The following CCSER1 variants were observed in gnomAD, a reference collection of about 807,000 sequenced individuals.
CCSER1 encodes the protein coiled-coil serine rich protein 1.
In CCSER1, 41 loss-of-function variants were observed where a neutral mutation model predicts 82.0. That is an observed-to-expected ratio of 0.50 (90% CI 0.39 to 0.65). The LOEUF is 0.65. Among genes scored for constraint, CCSER1 ranks in the 30% least tolerant of loss-of-function variants. CCSER1 has a pLI of 0.00. For missense variants in CCSER1, 1,119 were observed against 1,064.2 expected (o/e 1.05, Z -0.72); for synonymous variants, 414 against 383.9 (o/e 1.08, Z -0.92).
intron 10 of CCSER1, among the ~76,000 whole-genome samples, chr4:91,218,663 T>C (rs549417965): frequency 1.3e-5 from 2 of 152,242 alleles, no homozygotes; most frequent in Non-Finnish European, 2.9e-5. Flanking sequence ...TCTTGTATAC[T>C]TAGCACTTTC....
chr4:90,762,351 A>G (rs62313017), intron 7 of CCSER1, among the ~76,000 whole-genome samples: 19,736 of 152,154 alleles, frequency 0.13, 1,591 homozygotes, highest in Non-Finnish European at 0.18. Context: ...GCCCTGCTGA[A>G]TTGTGAGTCA....
intron 2 of CCSER1, among the ~76,000 whole-genome samples, chr4:90,312,104 AG>A (rs1390401452): frequency 2.6e-5 from 4 of 152,212 alleles, no homozygotes; most frequent in Non-Finnish European, 5.9e-5. Flanking sequence ...ATATTGGTAA[AG>A]GTTTGAAGGA....
intron 5 of CCSER1, among the ~76,000 whole-genome samples, chr4:90,612,834 C>T (rs1720509262): frequency 6.6e-6 from 1 of 152,136 alleles, no homozygotes. Flanking sequence ...TCTTATCAGA[C>T]ACCAGCATAT....
At position 90,480,723 on chromosome 4, in the gene CCSER1, T is replaced by C. The variant is rs370239049; in HGVS notation, c.1724+12369T>C. 1.7e-4 allele frequency among the ~76,000 whole-genome samples: 26 copies of C among 152,280 alleles called. No individual in the cohort carries two copies. In the East Asian group the frequency reaches 4.1e-3, roughly 24 times the overall value. ...GATTATTTCTGAGGGCTCTGTTCTG[T>C]TCTATTGGTCTATATCTCTGTTTTG... On this transcript the variant is annotated intron_variant, in intron 5 of 10. Coordinates refer to ENST00000509176, the MANE Select transcript of CCSER1 (RefSeq NM_001145065.2).
intron 10 of CCSER1, among the ~76,000 whole-genome samples, chr4:91,288,081 C>CATATATATATAGGATATATATATAGG (rs371406102): frequency 6.8e-6 from 1 of 147,436 alleles, no homozygotes; most frequent in Non-Finnish European, 1.5e-5. Context: ...TATATACACT[C>CATATATATATAGGATATATATATAGG]ATATATATAT....
chr4:90,504,500 T>A (rs765588037), intron 5 of CCSER1, among the ~76,000 whole-genome samples: 73 of 152,190 alleles, frequency 4.8e-4, no homozygotes, highest in Non-Finnish European at 9.6e-4. Context: ...CTTTTCCACA[T>A]GGCTAAGCTT....
At position 91,109,863 on chromosome 4, in the gene CCSER1, T is replaced by C. The variant is rs73834786; in HGVS notation, c.2217+23869T>C. On this transcript the variant is annotated intron_variant, in intron 10 of 10. Transcript: ENST00000509176. ...CACAAAGGGTCATAAAATAATTTATTAGAATTTTGTATATGTTGTATTGTT... is the reference window on the plus strand; with the variant it reads ...CACAAAGGGTCATAAAATAATTTATCAGAATTTTGTATATGTTGTATTGTT... 3.6e-3 allele frequency among the ~76,000 whole-genome samples: 555 copies of C among 152,292 alleles called. 3 individuals are homozygous for C. Among genetic ancestry groups the C allele is most frequent in the African/African-American group, 0.013 (522 of 41,586 alleles).
intron 7 of CCSER1, among the ~76,000 whole-genome samples, chr4:90,759,786 T>A (rs1460648482): frequency 6.6e-6 from 1 of 152,168 alleles, no homozygotes; most frequent in Admixed American, 6.6e-5. Flanking sequence ...TTCTGATAAT[T>A]TCTTTCGTCT....
At chr4:91,418,901 C>G (rs950917094) in intron 10 of CCSER1, among the ~76,000 whole-genome samples, 35 of 151,998 alleles carry the variant, frequency 2.3e-4, no homozygotes, top group African/African-American at 8.0e-4. Context: ...AAACCATGAT[C>G]AAGTAGGATT....
At chr4:90,865,703 A>G (rs1765649851) in intron 8 of CCSER1, among the ~76,000 whole-genome samples, 2 of 152,026 alleles carry the variant, frequency 1.3e-5, no homozygotes, top group African/African-American at 2.4e-5. Context: ...ATCATTTAAC[A>G]CCTAGGGGAC....
At chr4:90,357,194 G>T (rs1744527028) in intron 3 of CCSER1, among the ~76,000 whole-genome samples, 1 of 151,786 alleles carries the variant, frequency 6.6e-6, no homozygotes, top group Non-Finnish European at 1.5e-5. Context: ...AATCACTTCT[G>T]AGATGGTTTT....
At chr4:90,239,051 A>G (rs552084979) in intron 1 of CCSER1, among the ~76,000 whole-genome samples, 30 of 152,244 alleles carry the variant, frequency 2.0e-4, no homozygotes, top group Admixed American at 3.3e-4. Context: ...GGGTTTTACC[A>G]TGTTGGCCAG....
At chr4:91,079,458 C>T (rs1010051915) in intron 9 of CCSER1, among the ~76,000 whole-genome samples, 1 of 152,108 alleles carries the variant, frequency 6.6e-6, no homozygotes, top group South Asian at 2.1e-4. Context: ...TGGTACCAGC[C>T]ACTGCAAAAA....
chr4:90,550,163 G>T (rs6841653), intron 5 of CCSER1, among the ~76,000 whole-genome samples: 71,988 of 151,908 alleles, frequency 0.47, 21,532 homozygotes, highest in African/African-American at 0.86. Context: ...GCAAGGGGTA[G>T]TTATAAAGAG....
intron 10 of CCSER1, among the ~76,000 whole-genome samples, chr4:91,391,342 C>G (rs370675203): frequency 6.6e-6 from 1 of 152,090 alleles, no homozygotes; most frequent in South Asian, 2.1e-4. Flanking sequence ...ACTCTGTCAC[C>G]CAGGCTAGAA....
chr4:90,832,308 G>A (rs1264273305), intron 8 of CCSER1, among the ~76,000 whole-genome samples: 1 of 152,100 alleles, frequency 6.6e-6, no homozygotes, highest in Non-Finnish European at 1.5e-5. Context: ...AGCTATAGGT[G>A]TAGATACAGA....
chr4:90,207,111 G>T (rs576315049), intron 1 of CCSER1, among the ~76,000 whole-genome samples: 1 of 151,760 alleles, frequency 6.6e-6, no homozygotes, highest in Admixed American at 6.6e-5. Context: ...CCTGAATACC[G>T]CACACCCATG....
chr4:90,538,821 A>C (rs953530146), intron 5 of CCSER1, among the ~76,000 whole-genome samples: 4 of 152,112 alleles, frequency 2.6e-5, no homozygotes, highest in Non-Finnish European at 4.4e-5. Context: ...AATTATAATG[A>C]GAAATATAAT....
chr4:91,147,378 T>C (rs1212273856), intron 10 of CCSER1, among the ~76,000 whole-genome samples: 1 of 152,192 alleles, frequency 6.6e-6, no homozygotes, highest in Non-Finnish European at 1.5e-5. Context: ...TCTTGCCAGA[T>C]GGCTGTGCTC....
Sources: gnomAD v4.1 joint callset for allele counts (sites outside exome capture counted in the v4.1 genomes callset) on GRCh38, gnomAD v4.1.1 for gene constraint, MANE v1.5 for transcripts, NCBI Gene and HGNC (gene_info 2026-07-23, HGNC 2026-07-21) for gene names.